GDF10: variants seen among roughly 807,000 people sequenced by gnomAD.
GDF10 encodes the protein growth differentiation factor 10.
Under a neutral mutation model 32.1 loss-of-function variants are expected in GDF10, and 23 were observed. The ratio of observed to expected loss-of-function variants is 0.72; its 90% CI spans 0.52 to 1.02. The LOEUF is 1.02. Ranked by LOEUF, GDF10 falls within the 50% of genes least tolerant of loss-of-function variation. GDF10 has a pLI of 0.00. For missense variants in GDF10, 764 were observed against 673.9 expected, an observed-to-expected ratio of 1.13 and a Z score of -1.48; for synonymous variants, 328 against 303.1, an observed-to-expected ratio of 1.08 and a Z score of -0.85.
intron 1 of GDF10, among the ~76,000 whole-genome samples, chr10:47,305,463 T>C (rs2061019950): frequency 6.6e-6 from 1 of 152,224 alleles, no homozygotes; most frequent in Non-Finnish European, 1.5e-5. Context: ...AAACGGGCAC[T>C]AAGTACTAAA....
chr10:47,305,363 G>A (rs1289405306), intron 1 of GDF10, among the ~76,000 whole-genome samples: 2 of 152,206 alleles, frequency 1.3e-5, no homozygotes, highest in Non-Finnish European at 2.9e-5. Context: ...AGGAAACTGA[G>A]GCACAAAGTG....
At chr10:47,307,522 G>C (rs1453313140) in intron 1 of GDF10, among the ~76,000 whole-genome samples, 2 of 152,174 alleles carry the variant, frequency 1.3e-5, no homozygotes, top group Non-Finnish European at 2.9e-5. Flanking sequence ...CCAGAGAGAG[G>C]ACCAGCCTGT....
In GDF10 at chr10:47,312,953, T is replaced by C; in HGVS notation, c.*161T>C. 2.1e-6 allele frequency: 1 copy of C among 471,198 alleles called. No individual in the cohort carries two copies. Among genetic ancestry groups the C allele is most frequent in the East Asian group, 3.3e-5 (1 of 30,302 alleles). 29.2% of individuals were successfully genotyped at this position (471,198 alleles called of 1,614,324 possible). On this transcript the variant is annotated 3_prime_UTR_variant, in exon 3 of 3. Coordinates refer to ENST00000580279, the MANE Select transcript of GDF10 (RefSeq NM_004962.5). Reference sequence around the variant, plus strand: ...TCCGCCAGTGCATCATTAGGGGGTCTTTCATTGCTAGTGACTAGCCCCTTA... The same window carrying C: ...TCCGCCAGTGCATCATTAGGGGGTCCTTCATTGCTAGTGACTAGCCCCTTA...
At position 47,309,933 on chromosome 10, in the gene GDF10, C is replaced by T. The variant is rs782386699; in HGVS notation, c.457C>T (p.Arg153Trp). 2 of 1,612,870 alleles carry T rather than the reference C, an allele frequency of 1.2e-6. No individual in the cohort carries two copies. Among genetic ancestry groups the T allele is most frequent in the African/African-American group, 1.3e-5 (1 of 75,062 alleles). The change falls in exon 2 of 3, where the codon CGG becomes TGG. Residue 153 changes from arginine to tryptophan, a missense_variant. Transcript: ENST00000580279. The part of the protein sequence containing the change: ...PRALEVLCKP[R>W]AKNASGRPLP... ...AGCGCTCGAGGTGCTATGCAAGCCG[C>T]GGGCCAAGAACGCTTCAGGCCGCCC... is the stretch of plus-strand genomic sequence containing the variant.
At chr10:47,309,683 G>C in intron 1 of GDF10, 113 bp from the exon 2 acceptor site, 1 of 686,280 alleles carries the variant, frequency 1.5e-6, no homozygotes, top group Non-Finnish European at 2.6e-6. Context: ...CGGGGGAGGA[G>C]GATGGTCCTG....
chr10:47,302,580 C>T (rs2061008545), intron 1 of GDF10, among the ~76,000 whole-genome samples: 1 of 152,162 alleles, frequency 6.6e-6, no homozygotes, highest in African/African-American at 2.4e-5. Flanking sequence ...GGGGGTAGTA[C>T]AAGTAGCAGT....
At position 47,310,519 on chromosome 10, in the gene GDF10, T is replaced by G; in HGVS notation, c.1043T>G (p.Phe348Cys). The change falls in exon 2 of 3, where the codon TTC (phenylalanine) becomes TGC (cysteine). Residue 348 changes from phenylalanine to cysteine, a missense_variant. Transcript: ENST00000580279. ...KDRRKKGQEV[F>C]MAASQVLDFD... ...CGCAGGAAGAAGGGCCAGGAGGTGT[T>G]CATGGCCGCCTCGCAGGTGCTGGAC... 2 of 1,613,846 alleles carry G rather than the reference T, an allele frequency of 1.2e-6. No individual in the cohort carries two copies. The highest frequency in any genetic ancestry group is 1.7e-6 in the Non-Finnish European group (2 of 1,179,764).
At position 47,310,009 on chromosome 10, in the gene GDF10, C is replaced by G; in HGVS notation, c.533C>G (p.Ser178Trp). 1 of 1,609,772 alleles carries G rather than the reference C, an allele frequency of 6.2e-7. No individual in the cohort carries two copies. Among genetic ancestry groups the G allele is most frequent in the Non-Finnish European group, 8.5e-7 (1 of 1,178,270 alleles). ...CAGCACCTGCTCTTCCGCAGCCTCT[C>G]GCAGAACACGGCCACACAGGGGCTA... ...TRQHLLFRSL[S>W]QNTATQGLLR... Residue 178 changes from serine to tryptophan, a missense_variant, in exon 2 of 3, where the codon TCG (serine) becomes TGG (tryptophan). Transcript: ENST00000580279.
At position 47,313,079 on chromosome 10, in the gene GDF10, A is replaced by C; in HGVS notation, c.*287A>C. ...TTCTGAAGGCTTGAAAACAAAACAT[A>C]TCCACAACATTGGCTTGATGTGATC... On this transcript the variant is annotated 3_prime_UTR_variant, in exon 3 of 3. Coordinates refer to ENST00000580279, the MANE Select transcript of GDF10 (RefSeq NM_004962.5). 2.5e-5 allele frequency: 7 copies of C among 275,858 alleles called. No individual in the cohort carries two copies. The highest frequency in any genetic ancestry group is 6.6e-5 in the African/African-American group (3 of 45,694). The allele number at this position is 275,858 out of a possible 1,614,324, so 17.1% of individuals were successfully genotyped here.
Position 47,312,704 on chromosome 10 carries a change from C to G in GDF10, c.1349C>G (p.Ser450Cys), listed in dbSNP as rs1555207892. The G allele has an allele frequency of 6.2e-7, 1 of 1,609,446 alleles. No individual in the cohort carries two copies. Among genetic ancestry groups the G allele is most frequent in the Non-Finnish European group, 8.5e-7 (1 of 1,177,510 alleles). ...TGCTGTGTTCCCGATAAGATGAACT[C>G]CCTTGGGGTCCTCTTCCTGGATGAG... Reference protein sequence around the residue: ...EPCCVPDKMNSLGVLFLDENR... With the variant: ...EPCCVPDKMNCLGVLFLDENR... The change falls in exon 3 of 3, where the codon TCC (serine) becomes TGC (cysteine). Residue 450 changes from serine (S) to cysteine (C), a missense_variant. Physicochemically the swap from Ser to Cys is moderately radical, Grantham distance 112. Coordinates refer to ENST00000580279, the MANE Select transcript of GDF10 (RefSeq NM_004962.5).
chr10:47,309,579 A>G (rs966726427), intron 1 of GDF10, among the ~76,000 whole-genome samples: 9 of 152,248 alleles, frequency 5.9e-5, no homozygotes, highest in Non-Finnish European at 1.2e-4. Flanking sequence ...GATATTGACA[A>G]TCTCAACCTT....
intron 1 of GDF10, among the ~76,000 whole-genome samples, chr10:47,306,722 G>A (rs1363128887): frequency 2.6e-5 from 4 of 152,202 alleles, no homozygotes; most frequent in Non-Finnish European, 4.4e-5. Flanking sequence ...CCCATTGTGG[G>A]AGGTTCCATT....
At chr10:47,309,728 C>A in intron 1 of GDF10, 68 bp from the exon 2 acceptor site, 3 of 1,052,528 alleles carry the variant, frequency 2.9e-6, no homozygotes, top group East Asian at 2.5e-5. Context: ...CTCCTCCAGC[C>A]CTGGGTGGGA....
chr10:47,308,724 G>A (rs892330623), intron 1 of GDF10, among the ~76,000 whole-genome samples: 2 of 152,154 alleles, frequency 1.3e-5, no homozygotes, highest in Non-Finnish European at 2.9e-5. Context: ...AGGAAATGAA[G>A]CAGTGGAAAG....
At chr10:47,305,932 A>C (rs2061021561) in intron 1 of GDF10, among the ~76,000 whole-genome samples, 1 of 152,232 alleles carries the variant, frequency 6.6e-6, no homozygotes, top group South Asian at 2.1e-4. Context: ...AGTTCACAGC[A>C]CATGATCTTT....
intron 1 of GDF10, among the ~76,000 whole-genome samples, chr10:47,305,218 G>A (rs2061019000): frequency 6.6e-6 from 1 of 152,216 alleles, no homozygotes; most frequent in Non-Finnish European, 1.5e-5. Context: ...GTGCCCTGAG[G>A]GTGGCAATAG....
At chr10:47,302,048 CA>C (rs1555206891) in intron 1 of GDF10, among the ~76,000 whole-genome samples, 1 of 152,234 alleles carries the variant, frequency 6.6e-6, no homozygotes, top group African/African-American at 2.4e-5. Flanking sequence ...GCAGACTCAC[CA>C]GGTCAGTGGC....
chr10:47,301,364 C>T (rs908911238), intron 1 of GDF10, among the ~76,000 whole-genome samples: 1 of 152,232 alleles, frequency 6.6e-6, no homozygotes, highest in African/African-American at 2.4e-5. Flanking sequence ...GCAGAAGCTC[C>T]AGGCACTGGG....
rs374874347 is a variant in GDF10 at position 47,310,289 on chromosome 10, C to T, written c.813C>T (p.Ala271=). 2.9e-4 allele frequency: 462 copies of T among 1,608,138 alleles called. 2 individuals are homozygous for T. The African/African-American group carries it at 5.0e-3, about 17-fold the overall frequency. ...TGCAGAGATACGACCCCTTCCCTGCCGGAGACCCCGAGCCCCGCGCAGCCC... is the reference window on the plus strand; with the variant it reads ...TGCAGAGATACGACCCCTTCCCTGCTGGAGACCCCGAGCCCCGCGCAGCCC... ...VTLQRYDPFP[A]GDPEPRAAPN... is the part of the protein sequence containing the mutation. The change falls in exon 2 of 3, where the codon GCC becomes GCT. Residue 271 remains alanine, a synonymous_variant. Transcript: ENST00000580279.
Sources: allele counts gnomAD v4.1 joint callset (sites outside exome capture counted in the v4.1 genomes callset), GRCh38; gene constraint gnomAD v4.1.1; transcripts MANE v1.5; gene names NCBI Gene and HGNC (gene_info 2026-07-23, HGNC 2026-07-21).